Variants in NRG1 observed in about 807,000 individuals in gnomAD.
The protein encoded by NRG1 is pro-neuregulin-1, membrane-bound isoform.
Under a neutral mutation model 63.8 loss-of-function variants are expected in NRG1, and 18 were observed. The observed-to-expected ratio is 0.28, with a 90% CI of 0.19 to 0.42. The LOEUF is 0.42. Ranked by LOEUF, NRG1 falls within the 10% of genes least tolerant of loss-of-function variation. The pLI is 1.00. For synonymous variants in NRG1, 302 were observed against 301.3 expected (o/e 1.00, Z -0.02); for missense variants, 762 against 814.7 (o/e 0.94, Z 0.79).
Position 32,251,209 on chromosome 8 carries a change from C to A in NRG1, c.38-344619C>A, listed in dbSNP as rs540852295. 3.8e-4 allele frequency among the ~76,000 whole-genome samples: 58 copies of A among 151,998 alleles called. 1 individual carries two copies. The Middle Eastern group carries it at 0.01, about 27-fold the overall frequency. On this transcript the variant is annotated intron_variant, in intron 1 of 10. Coordinates refer to the NRG1 transcript ENST00000519301. ...TCTCCTAATGCTATCCCTCCCCGCT[C>A]CCCCCACCCCACAACAGGCCCTGGT...
rs56379570 is a variant in NRG1 at position 32,405,667 on chromosome 8, T to C, written c.38-190161T>C. ...TACCCCATGTAATTATTGCCTATGA[T>C]AATCAGGTAATCTTTATGAAACTAT... On this transcript the variant is annotated intron_variant, in intron 1 of 10. Transcript: ENST00000519301. Among the ~76,000 whole-genome samples, 970 of 152,342 alleles carry C rather than the reference T, an allele frequency of 6.4e-3. 12 individuals carry two copies. The highest frequency in any genetic ancestry group is 0.022 in the African/African-American group (931 of 41,580).
chr8:32,481,208 G>A lies in NRG1; in HGVS notation c.38-114620G>A, dbSNP rs188720598. 7.0e-4 allele frequency among the ~76,000 whole-genome samples: 106 copies of A among 152,014 alleles called. 2 individuals carry two copies. Among genetic ancestry groups the A allele is most frequent in the South Asian group, 1.2e-3 (6 of 4,810 alleles). On this transcript the variant is annotated intron_variant, in intron 1 of 10. Transcript: ENST00000519301. ...AAATACAAAAATTAGCTGGGTATGT[G>A]GGGGGTGCACAGGTAGTCCCAGCTA...
intron 1 of NRG1, among the ~76,000 whole-genome samples, chr8:31,938,818 G>T (rs1013648961): frequency 6.6e-6 from 1 of 152,168 alleles, no homozygotes; most frequent in African/African-American, 2.4e-5. Flanking sequence ...GAACTTCTGA[G>T]CTCGAAGACA....
At chr8:32,749,474 G>A in intron 7 of NRG1, 1 of 1,294,940 alleles carries the variant, frequency 7.7e-7, no homozygotes, top group Non-Finnish European at 1.1e-6. Context: ...ATAGTCATGT[G>A]TAATGTGTTT....
rs1322085407 is a variant in NRG1 at position 32,687,210 on chromosome 8, T to C, written c.503-40739T>C. Among the ~76,000 whole-genome samples the C allele has an allele frequency of 2.0e-5, 3 of 152,136 alleles. No individual in the cohort carries two copies. In the East Asian group the frequency reaches 5.8e-4, roughly 29 times the overall value. On this transcript the variant is annotated intron_variant, in intron 5 of 11. Coordinates refer to ENST00000356819, the Ensembl canonical transcript of NRG1. ...CCAAGAATTAGTGAAATATAAAATG[T>C]GTTCTTATTATCCCTTCCTCAATAA...
At chr8:31,998,308 A>AT (rs1812357095) in intron 1 of NRG1, among the ~76,000 whole-genome samples, 1 of 151,982 alleles carries the variant, frequency 6.6e-6, no homozygotes, top group African/African-American at 2.4e-5. Context: ...ATTACTGAAC[A>AT]TTTTTTATGT....
At chr8:32,719,676 T>G (rs2128999940) in intron 5 of NRG1, among the ~76,000 whole-genome samples, 1 of 152,270 alleles carries the variant, frequency 6.6e-6, no homozygotes, top group East Asian at 1.9e-4. Flanking sequence ...TTCCTAATGC[T>G]ATTTTAAGTG....
chr8:31,719,302 TAAAC>T (rs1373191160), intron 1 of NRG1, among the ~76,000 whole-genome samples: 1 of 152,212 alleles, frequency 6.6e-6, no homozygotes, highest in Non-Finnish European at 1.5e-5. Context: ...TTCAGTGTCT[TAAAC>T]AAAATTGTTT....
intron 1 of NRG1, among the ~76,000 whole-genome samples, chr8:31,785,473 G>T (rs976353195): frequency 6.6e-6 from 1 of 152,092 alleles, no homozygotes; most frequent in African/African-American, 2.4e-5. Flanking sequence ...GGTGTCATAG[G>T]GGTTAAAGGA....
chr8:32,263,937 C>T (rs937686788), intron 1 of NRG1, among the ~76,000 whole-genome samples: 1 of 152,174 alleles, frequency 6.6e-6, no homozygotes. Context: ...TTAAGAATCA[C>T]ATAATGTGAG....
chr8:32,648,255 G>A (rs1854114341), intron 5 of NRG1: 1 of 1,614,008 alleles, frequency 6.2e-7, no homozygotes, highest in Non-Finnish European at 8.5e-7. Context: ...TCGTATTTTT[G>A]CCTTTTCTTT....
chr8:31,761,325 A>G (rs2131517657), intron 1 of NRG1, among the ~76,000 whole-genome samples: 1 of 152,154 alleles, frequency 6.6e-6, no homozygotes, highest in Non-Finnish European at 1.5e-5. Flanking sequence ...GTGGGGAGGG[A>G]TAGCATTAGG....
intron 1 of NRG1, among the ~76,000 whole-genome samples, chr8:31,899,578 G>T (rs1338830564): frequency 2.0e-5 from 3 of 152,038 alleles, no homozygotes; most frequent in Non-Finnish European, 4.4e-5. Flanking sequence ...TGGTCCATTG[G>T]CTGAGTTGGA....
chr8:31,734,281 A>G (rs1002291134), intron 1 of NRG1, among the ~76,000 whole-genome samples: 3 of 152,200 alleles, frequency 2.0e-5, no homozygotes, highest in Non-Finnish European at 4.4e-5. Context: ...GACCATGATC[A>G]TGCCACTGCA....
chr8:32,077,487 C>T (rs767180290), intron 1 of NRG1, among the ~76,000 whole-genome samples: 4 of 152,080 alleles, frequency 2.6e-5, no homozygotes, highest in Non-Finnish European at 5.9e-5. Flanking sequence ...GGCAGATAGT[C>T]GGTGTAAGAA....
At chr8:32,243,660 C>G (rs75986064) in intron 1 of NRG1, among the ~76,000 whole-genome samples, 2,433 of 152,194 alleles carry the variant, frequency 0.016, 27 homozygotes, top group Non-Finnish European at 0.026. Context: ...ATACGCAATG[C>G]TGTGGACTAA....
exon 12 of NRG1, chr8:32,766,770 A>G (rs746637903): frequency 2.0e-5 from 3 of 152,180 alleles, no homozygotes; most frequent in Non-Finnish European, 4.4e-5. Context: ...GTGGCATATT[A>G]TTATAGTTGG....
rs188316134 is a variant in NRG1 at position 32,503,940 on chromosome 8, G to A, written c.38-91888G>A. 2.0e-5 allele frequency among the ~76,000 whole-genome samples: 3 copies of A among 152,278 alleles called. No homozygotes were observed. The East Asian group carries it at 5.8e-4, about 29-fold the overall frequency. ...CTTCTCGCCTGATTCTTTCCTTGGG[G>A]TGGGCTGTCCACATGCTCAGTGGCT... On this transcript the variant is annotated intron_variant, in intron 1 of 10. Transcript: ENST00000519301.
At chr8:32,284,530 CCTTCCTT>C (rs1853290712) in intron 1 of NRG1, among the ~76,000 whole-genome samples, 1 of 151,312 alleles carries the variant, frequency 6.6e-6, no homozygotes, top group Non-Finnish European at 1.5e-5. Context: ...TTCCTTCCTT[CCTTCCTT>C]CCTTCTTTCT....
Sources: gnomAD v4.1 joint callset for allele counts (sites outside exome capture counted in the v4.1 genomes callset) on GRCh38, gnomAD v4.1.1 for gene constraint, MANE v1.5 for transcripts, NCBI Gene and HGNC (gene_info 2026-07-23, HGNC 2026-07-21) for gene names.